Variants in ELAPOR2 observed in about 807,000 individuals in gnomAD.
The protein encoded by ELAPOR2 is endosome-lysosome associated apoptosis and autophagy regulator family member 2.
In ELAPOR2, 89 loss-of-function variants were observed where a neutral mutation model predicts 120.7. That is an observed-to-expected ratio of 0.74 (90% CI 0.62 to 0.88). The LOEUF is 0.88. ELAPOR2 is among the 40% of genes least tolerant of loss of function. ELAPOR2 has a pLI of 0.00. For missense variants in ELAPOR2, 1,134 were observed against 1,251.6 expected (o/e 0.91, Z 1.42); for synonymous variants, 444 against 444.9 (o/e 1.00, Z 0.03).
intron 1 of ELAPOR2, among the ~76,000 whole-genome samples, chr7:86,984,380 T>C (rs980044507): frequency 2.0e-5 from 3 of 152,196 alleles, no homozygotes; most frequent in Non-Finnish European, 4.4e-5. Context: ...CAACAGAATA[T>C]ACATTATTCT....
intron 14 of ELAPOR2, 50 bp downstream of exon 14, chr7:86,912,891 T>C: frequency 6.3e-7 from 1 of 1,587,150 alleles, no homozygotes; most frequent in African/African-American, 1.3e-5. Flanking sequence ...CTTGAATTTC[T>C]CTATTAAAAT....
intron 8 of ELAPOR2, among the ~76,000 whole-genome samples, chr7:86,935,863 T>C (rs910444923): frequency 6.6e-6 from 1 of 152,092 alleles, no homozygotes; most frequent in Admixed American, 6.6e-5. Flanking sequence ...TAAGAATCTC[T>C]TAATTAGGAT....
intron 1 of ELAPOR2, among the ~76,000 whole-genome samples, chr7:86,978,451 C>A (rs1211809575): frequency 6.6e-6 from 1 of 152,136 alleles, no homozygotes; most frequent in Non-Finnish European, 1.5e-5. Context: ...AAATATAAGA[C>A]ACACTGGTTG....
intron 1 of ELAPOR2, among the ~76,000 whole-genome samples, chr7:87,038,963 A>G (rs963080036): frequency 4.0e-4 from 61 of 152,232 alleles, no homozygotes; most frequent in African/African-American, 1.4e-3. Context: ...GAAAATACAA[A>G]CGATCAATGA....
At chr7:87,032,586 C>T (rs112625417) in intron 1 of ELAPOR2, among the ~76,000 whole-genome samples, 3,701 of 152,224 alleles carry the variant, frequency 0.024, 171 homozygotes, top group African/African-American at 0.085. Context: ...CACCTCTTCA[C>T]GTACATCCTT....
At chr7:87,011,249 C>CAAAAAAAAAAAAA (rs772971682) in intron 1 of ELAPOR2, among the ~76,000 whole-genome samples, 1 of 52,984 alleles carries the variant, frequency 1.9e-5, no homozygotes, top group Non-Finnish European at 4.4e-5. Context: ...GACTCCATCT[C>CAAAAAAAAAAAAA]AAAAAAAAAA....
At chr7:86,913,251 T>A (rs1434240105) in intron 13 of ELAPOR2, 47 bp from the exon 14 acceptor site, 1 of 1,581,998 alleles carries the variant, frequency 6.3e-7, no homozygotes, top group African/African-American at 1.3e-5. Flanking sequence ...GGGGCTTAGT[T>A]GTACAACCAG....
intron 11 of ELAPOR2, 97 bp from the exon 12 acceptor site, chr7:86,918,641 T>C (rs1205174768): frequency 1.3e-6 from 1 of 749,418 alleles, no homozygotes; most frequent in Non-Finnish European, 2.3e-6. Flanking sequence ...AAAGCCATGC[T>C]CTTCTCTTCC....
At position 87,017,892 on chromosome 7, in the gene ELAPOR2, G is replaced by A. The variant is rs527270970; in HGVS notation, c.189+41433C>T. Among the ~76,000 whole-genome samples, 9 of 152,194 alleles carry A rather than the reference G, an allele frequency of 5.9e-5. No individual in the cohort carries two copies. The East Asian group carries it at 1.7e-3, about 29-fold the overall frequency. ...CCCAGGATCTCACCACCTCATTCCAGCCTGGGTGACAGAGTGAGACTGTCT... is the reference window on the plus strand; with the variant it reads ...CCCAGGATCTCACCACCTCATTCCAACCTGGGTGACAGAGTGAGACTGTCT... On this transcript the variant is annotated intron_variant, in intron 1 of 21. Transcript: ENST00000450689.
intron 18 of ELAPOR2, among the ~76,000 whole-genome samples, chr7:86,901,233 A>G (rs1428680694): frequency 2.0e-5 from 3 of 152,194 alleles, no homozygotes; most frequent in Non-Finnish European, 4.4e-5. Flanking sequence ...GTAAATGAAT[A>G]AGAGACTTCC....
intron 1 of ELAPOR2, among the ~76,000 whole-genome samples, chr7:87,014,739 G>A (rs13238095): frequency 0.21 from 32,569 of 151,866 alleles, 3,707 homozygotes; most frequent in African/African-American, 0.27. Context: ...ACCCACTATA[G>A]AGAGCTCTTG....
rs567022966 is a variant in ELAPOR2, at chr7:86,985,743, T to G, written c.190-20719A>C. On this transcript the variant is annotated intron_variant, in intron 1 of 21. Transcript: ENST00000450689. ...CAGGTTTGTTACATATGCATACATG[T>G]GCCATGTTGGTGTGCTGCACCCATT... Among the ~76,000 whole-genome samples the G allele has an allele frequency of 2.6e-5, 4 of 152,236 alleles. 1 individual carries two copies. In the South Asian group the frequency reaches 8.3e-4, roughly 32 times the overall value.
At chr7:86,980,874 T>A (rs1020267154) in intron 1 of ELAPOR2, among the ~76,000 whole-genome samples, 12 of 152,072 alleles carry the variant, frequency 7.9e-5, no homozygotes, top group African/African-American at 2.9e-4. Context: ...ATTAAGAAAA[T>A]AAAACAGCAT....
intron 4 of ELAPOR2, among the ~76,000 whole-genome samples, chr7:86,942,803 C>T (rs763515278): frequency 6.6e-6 from 1 of 152,020 alleles, no homozygotes; most frequent in Non-Finnish European, 1.5e-5. Flanking sequence ...AGTTAGGCCA[C>T]CTTTCCAATA....
intron 1 of ELAPOR2, among the ~76,000 whole-genome samples, chr7:87,016,865 CA>C (rs1282134740): frequency 1.3e-5 from 2 of 151,958 alleles, no homozygotes; most frequent in Non-Finnish European, 2.9e-5. Flanking sequence ...GTCAAAACAA[CA>C]GACTAAGCAT....
chr7:86,940,909 T>A (rs1290961368), intron 5 of ELAPOR2, among the ~76,000 whole-genome samples: 1 of 152,074 alleles, frequency 6.6e-6, no homozygotes, highest in Non-Finnish European at 1.5e-5. Context: ...TAAGCCTTTT[T>A]AAGTAAAAAA....
chr7:86,938,671 T>C (rs1047002676), intron 7 of ELAPOR2, 137 bp downstream of exon 7: 3 of 793,802 alleles, frequency 3.8e-6, no homozygotes, highest in Admixed American at 2.3e-5. Context: ...ATTTTATCCA[T>C]TCAACATCAA....
At chr7:86,974,112 GA>G (rs1196902261) in intron 1 of ELAPOR2, among the ~76,000 whole-genome samples, 2 of 151,760 alleles carry the variant, frequency 1.3e-5, no homozygotes, top group Non-Finnish European at 2.9e-5. Flanking sequence ...TCCAAAAAGG[GA>G]AAAGCAAAAT....
chr7:86,891,627 C>T (rs1788163087), intron 21 of ELAPOR2, 97 bp downstream of exon 21: 2 of 972,318 alleles, frequency 2.1e-6, no homozygotes, highest in Non-Finnish European at 1.5e-6. Flanking sequence ...GAGATATAAA[C>T]ATGCAAAATA....
Sources: gnomAD v4.1 joint callset for allele counts (sites outside exome capture counted in the v4.1 genomes callset) on GRCh38, gnomAD v4.1.1 for gene constraint, MANE v1.5 for transcripts, NCBI Gene and HGNC (gene_info 2026-07-23, HGNC 2026-07-21) for gene names.